The following DAB1 variants were observed in gnomAD, a reference collection of about 807,000 sequenced individuals.
DAB1 encodes disabled homolog 1.
In DAB1, 15 loss-of-function variants were observed where a neutral mutation model predicts 64.6. The observed-to-expected ratio is 0.23, with a 90% CI of 0.16 to 0.36. DAB1 has a LOEUF of 0.36. Among genes scored for constraint, DAB1 ranks in the 10% least tolerant of loss-of-function variants. DAB1 has a pLI of 1.00. For missense variants in DAB1, 596 were observed against 706.7 expected, an observed-to-expected ratio of 0.84 and a Z score of 1.78; for synonymous variants, 235 against 251.9, an observed-to-expected ratio of 0.93 and a Z score of 0.64.
intron 4 of DAB1, among the ~76,000 whole-genome samples, chr1:58,234,373 A>T (rs930038106): frequency 6.6e-6 from 1 of 152,220 alleles, no homozygotes; most frequent in Admixed American, 6.5e-5. Context: ...AGGTGACATG[A>T]GGGGAAAAAT....
intron 4 of DAB1, among the ~76,000 whole-genome samples, chr1:58,241,382 T>G (rs1415532700): frequency 6.6e-6 from 1 of 151,800 alleles, no homozygotes; most frequent in Admixed American, 6.6e-5. Context: ...ATTTGGATAG[T>G]CAGGGTTAGA....
At chr1:58,507,549 T>C (rs1041500272) in intron 2 of DAB1, among the ~76,000 whole-genome samples, 3 of 152,034 alleles carry the variant, frequency 2.0e-5, no homozygotes, top group Non-Finnish European at 4.4e-5. Flanking sequence ...TTCAAGGTAC[T>C]TTATACACTA....
chr1:58,093,196 G>C (rs1328435470), intron 5 of DAB1, among the ~76,000 whole-genome samples: 1 of 152,186 alleles, frequency 6.6e-6, no homozygotes, highest in Non-Finnish European at 1.5e-5. Context: ...TGGAGGCCCA[G>C]AGCACTGAAT....
At chr1:57,525,955 T>C (rs1333661499) in intron 7 of DAB1, among the ~76,000 whole-genome samples, 1 of 143,844 alleles carries the variant, frequency 7.0e-6, no homozygotes, top group Non-Finnish European at 1.5e-5. Context: ...TTTTTTTTTT[T>C]GAGACGGAGT....
At position 57,377,935 on chromosome 1, in the gene DAB1, G is replaced by T. The variant is rs1319614748; in HGVS notation, c.-137+45995C>A. Among the ~76,000 whole-genome samples the T allele has an allele frequency of 3.3e-5, 5 of 152,296 alleles. No individual in the cohort carries two copies. The South Asian group carries it at 8.3e-4, about 25-fold the overall frequency. On this transcript the variant is annotated intron_variant, in intron 1 of 14. Coordinates refer to ENST00000371236, the MANE Select transcript of DAB1 (RefSeq NM_001365792.1). ...GTGGAAAGGGTCCTTCTACAGGACT[G>T]TGACGTCTGGTGGAGGAAGATGGCT...
chr1:58,202,266 T>C (rs1413549442), intron 4 of DAB1, among the ~76,000 whole-genome samples: 2 of 152,240 alleles, frequency 1.3e-5, no homozygotes, highest in Non-Finnish European at 2.9e-5. Context: ...CAAATAGCCA[T>C]ATATTATGAT....
At chr1:57,795,292 A>T (rs1487209449) in intron 6 of DAB1, among the ~76,000 whole-genome samples, 3 of 152,208 alleles carry the variant, frequency 2.0e-5, no homozygotes, top group African/African-American at 7.2e-5. Flanking sequence ...TAATATGTTT[A>T]ACTTCATGTT....
At chr1:57,822,862 C>T (rs552433713), downstream of DAB1, among the ~76,000 whole-genome samples, 582 of 152,106 alleles carry the variant, frequency 3.8e-3, 4 homozygotes, top group Non-Finnish European at 6.2e-3. Context: ...AGATATTTAT[C>T]CTTTTTTCAA....
At chr1:57,591,917 A>T (rs1274011584) in intron 7 of DAB1, among the ~76,000 whole-genome samples, 2 of 152,190 alleles carry the variant, frequency 1.3e-5, no homozygotes, top group African/African-American at 4.8e-5. Context: ...CTAATAAGTT[A>T]TTTCATCTAA....
intron 7 of DAB1, among the ~76,000 whole-genome samples, chr1:57,515,475 T>A (rs574978167): frequency 3.2e-4 from 49 of 152,328 alleles, no homozygotes; most frequent in Non-Finnish European, 6.5e-4. Context: ...ATCAGCTGAT[T>A]CTTCAGAACC....
chr1:57,810,970 G>A (rs1590370), intron 6 of DAB1, among the ~76,000 whole-genome samples: 78,603 of 152,016 alleles, frequency 0.52, 20,421 homozygotes, highest in South Asian at 0.62. Flanking sequence ...TGCCTCTTCC[G>A]GCTTCTAGCA....
chr1:57,128,743 CT>C (rs2100774351), intron 4 of DAB1, among the ~76,000 whole-genome samples: 1 of 152,246 alleles, frequency 6.6e-6, no homozygotes, highest in Non-Finnish European at 1.5e-5. Flanking sequence ...CAAATAGTCA[CT>C]GTAAATCTTC....
chr1:57,240,485 A>G (rs1668417909), intron 2 of DAB1, among the ~76,000 whole-genome samples: 1 of 152,168 alleles, frequency 6.6e-6, no homozygotes, highest in South Asian at 2.1e-4. Context: ...GTCTAGACAT[A>G]CCAATACTAA....
At chr1:58,158,299 G>T (rs1482930627) in intron 4 of DAB1, among the ~76,000 whole-genome samples, 1 of 152,138 alleles carries the variant, frequency 6.6e-6, no homozygotes, top group Non-Finnish European at 1.5e-5. Context: ...CAGAGCCCAG[G>T]GGGGAAAGGC....
At chr1:57,980,212 CCA>C (rs1646029425) in intron 5 of DAB1, among the ~76,000 whole-genome samples, 1 of 152,072 alleles carries the variant, frequency 6.6e-6, no homozygotes, top group Non-Finnish European at 1.5e-5. Flanking sequence ...CCAACCACTA[CCA>C]CACACTCTCA....
chr1:57,282,221 T>A lies in DAB1; in HGVS notation c.67+8743A>T, dbSNP rs1671975373. ...AAAAAAAAAAAAAAAAACAGGTGAC[T>A]GAGTTTTGAAGGATGAACAGGAGTC... On this transcript the variant is annotated intron_variant, in intron 2 of 14. Coordinates refer to ENST00000371236, the MANE Select transcript of DAB1 (RefSeq NM_001365792.1). 1.4e-5 allele frequency among the ~76,000 whole-genome samples: 2 copies of A among 140,182 alleles called. 1 individual carries two copies. Among genetic ancestry groups the A allele is most frequent in the African/African-American group, 5.3e-5 (2 of 37,648 alleles). The allele number at this position is 140,182 out of a possible 152,430, so 92.0% of individuals were successfully genotyped here.
chr1:58,545,694 A>AGCACTCACTG (rs1646691616), intron 1 of DAB1, among the ~76,000 whole-genome samples: 1 of 152,268 alleles, frequency 6.6e-6, no homozygotes, highest in Non-Finnish European at 1.5e-5. Flanking sequence ...GAGCAAGTGC[A>AGCACTCACTG]GCACTCACTG....
chr1:58,309,304 C>T (rs1662376445), intron 4 of DAB1, among the ~76,000 whole-genome samples: 1 of 152,108 alleles, frequency 6.6e-6, no homozygotes, highest in African/African-American at 2.4e-5. Context: ...TTCGGAGCCT[C>T]AAATGTTTGG....
chr1:57,737,419 T>G (rs925581870), intron 6 of DAB1, among the ~76,000 whole-genome samples: 2 of 152,192 alleles, frequency 1.3e-5, no homozygotes, highest in African/African-American at 2.4e-5. Flanking sequence ...TATGGTGCCT[T>G]GGATCTTGAA....
Sources: allele counts gnomAD v4.1 joint callset (sites outside exome capture counted in the v4.1 genomes callset), GRCh38; gene constraint gnomAD v4.1.1; transcripts MANE v1.5; gene names NCBI Gene and HGNC (gene_info 2026-07-23, HGNC 2026-07-21).